RC3H2: variants seen among roughly 807,000 people sequenced by gnomAD.
RC3H2 encodes the protein ring finger and CCCH-type domains 2, also known as roquin-2.
In RC3H2, 31 loss-of-function variants were observed where a neutral mutation model predicts 133.3. The observed-to-expected ratio is 0.23, with a 90% CI of 0.17 to 0.31. RC3H2 has a LOEUF of 0.31. Among genes scored for constraint, RC3H2 ranks in the 10% least tolerant of loss-of-function variants. The pLI, the probability that RC3H2 is intolerant of heterozygous loss-of-function variation, is 1.00. For synonymous variants in RC3H2, 517 were observed against 502.2 expected, an observed-to-expected ratio of 1.03 and a Z score of -0.40; for missense variants, 1,175 against 1,437.2, an observed-to-expected ratio of 0.82 and a Z score of 2.95.
chr9:122,904,982 C>T, intron 1 of RC3H2, 128 bp downstream of exon 1: 1 of 649,052 alleles, frequency 1.5e-6, no homozygotes, highest in Non-Finnish European at 1.9e-6. Context: ...GCCCTCAGTT[C>T]CCAACCCTCG....
intron 18 of RC3H2, 66 bp downstream of exon 18, chr9:122,853,886 T>C (rs1830145491): frequency 1.9e-6 from 3 of 1,614,060 alleles, no homozygotes; most frequent in Non-Finnish European, 2.5e-6. Flanking sequence ...AGTAATGGTA[T>C]AACCAAGATG....
chr9:122,859,963 A>T lies in RC3H2; in HGVS notation c.1803T>A (p.Asp601Glu), dbSNP rs1333080680. ...CTTCAAAGGGTATCTGAGTCCTTGG[A>T]TCTTGAAAATACTGAATGTTTTCAG... ...PHSENIQYFQ[D>E]PRTQIPFEVP... The change falls in exon 11 of 21, where the codon GAT (aspartate) becomes GAA (glutamate). Residue 601 changes from aspartate to glutamate, a missense_variant. This residue lies in a region of RC3H2 where 490 missense variants were observed against 492.8 expected (regional missense o/e 0.99). Transcript: ENST00000357244. The T allele has an allele frequency of 6.2e-7, 1 of 1,613,996 alleles. No individual in the cohort carries two copies. Among genetic ancestry groups the T allele is most frequent in the East Asian group, 2.2e-5 (1 of 44,886 alleles).
At chr9:122,852,833 G>A (rs1213222533) in intron 18 of RC3H2, among the ~76,000 whole-genome samples, 1 of 152,152 alleles carries the variant, frequency 6.6e-6, no homozygotes, top group African/African-American at 2.4e-5. Context: ...CGCCCCTACT[G>A]GGAAGTGAGG....
intron 10 of RC3H2, among the ~76,000 whole-genome samples, chr9:122,863,895 G>C (rs1830547368): frequency 6.6e-6 from 1 of 152,128 alleles, no homozygotes; most frequent in South Asian, 2.1e-4. Flanking sequence ...GCGCCACCAT[G>C]CCTGGCTAAT....
intron 10 of RC3H2, among the ~76,000 whole-genome samples, chr9:122,862,287 T>C (rs994187057): frequency 1.2e-4 from 18 of 152,124 alleles, no homozygotes; most frequent in African/African-American, 3.6e-4. Context: ...ATCTCAAAAA[T>C]TGGAACTTAT....
rs768570419 is a variant in RC3H2 at position 122,849,671 on chromosome 9, C to T, written c.3532G>A (p.Asp1178Asn). Residue 1178 changes from aspartate to asparagine, a missense_variant, in exon 21 of 21, where the codon GAC becomes AAC. By Grantham distance (23) the Asp-to-Asn change is conservative. Around this residue, in one of 8 missense-constraint regions of RC3H2, gnomAD observed 220 missense variants for 201.1 expected, o/e 1.09. Transcript: ENST00000357244. Reference sequence around the variant, plus strand: ...CCATTTGCAACAGGTTTTAAAAAGTCGTTTTTATCTTCAGACATAACATGA... The same window carrying T: ...CCATTTGCAACAGGTTTTAAAAAGTTGTTTTTATCTTCAGACATAACATGA... ...KTHVMSEDKN[D>N]FLKPVANGKM... 23 of 1,613,110 alleles carry T rather than the reference C, an allele frequency of 1.4e-5. No individual in the cohort carries two copies. The highest frequency in any genetic ancestry group is 4.0e-5 in the African/African-American group (3 of 74,916).
At position 122,849,559 on chromosome 9, in the gene RC3H2, T is replaced by A; in HGVS notation, c.*68A>T. ...AAAATATACATTATATAATATATAT[T>A]ATATATATAAAAAGCTAGTGTAAAT... is the stretch of plus-strand genomic sequence containing the variant. On this transcript the variant is annotated 3_prime_UTR_variant, in exon 21 of 21. Coordinates refer to ENST00000357244, the MANE Select transcript of RC3H2 (RefSeq NM_001100588.3). The A allele has an allele frequency of 1.5e-6, 1 of 649,862 alleles. No homozygotes were observed. The highest frequency in any genetic ancestry group is 2.4e-6 in the Non-Finnish European group (1 of 424,236). The allele number at this position is 649,862 out of a possible 1,614,324, so 40.3% of individuals were successfully genotyped here.
At chr9:122,885,113 T>G (rs1342059163) in intron 4 of RC3H2, among the ~76,000 whole-genome samples, 1 of 152,198 alleles carries the variant, frequency 6.6e-6, no homozygotes, top group Non-Finnish European at 1.5e-5. Context: ...TATCATTAAT[T>G]TTTAAAAATT....
At chr9:122,869,187 T>A (rs1588077194) in intron 9 of RC3H2, among the ~76,000 whole-genome samples, 1 of 152,048 alleles carries the variant, frequency 6.6e-6, no homozygotes, top group East Asian at 1.9e-4. Flanking sequence ...ATTACGGGTG[T>A]GAGCCACCAT....
Position 122,883,299 on chromosome 9 carries a change from A to C in RC3H2, c.664T>G (p.Phe222Val). ...SALSRKVLVL[F>V]VVQRLEPRFP... ...CTTGGTTCTAGTCTCTGCACAACAA[A>C]AAGTACCAGAACTTTCCTTGAGAGG... Residue 222 changes from phenylalanine (F) to valine (V), a missense_variant, in exon 5 of 21, where the codon TTT (phenylalanine) becomes GTT (valine). This residue lies in a region of RC3H2 where 121 missense variants were observed against 243.5 expected (regional missense o/e 0.50). Coordinates refer to ENST00000357244, the MANE Select transcript of RC3H2 (RefSeq NM_001100588.3). The C allele has an allele frequency of 6.2e-7, 1 of 1,613,914 alleles. No homozygotes were observed. Among genetic ancestry groups the C allele is most frequent in the Non-Finnish European group, 8.5e-7 (1 of 1,179,936 alleles).
rs76055603 is a variant in RC3H2 at position 122,846,808 on chromosome 9, C to T, written c.*2819G>A. ...ATGCCTCAATTTTAAAAAGTCATATCCTAGGTCTGATTTGTAACATTTTCC... is the reference window on the plus strand; with the variant it reads ...ATGCCTCAATTTTAAAAAGTCATATTCTAGGTCTGATTTGTAACATTTTCC... On this transcript the variant is annotated 3_prime_UTR_variant, in exon 21 of 21. Coordinates refer to ENST00000357244, the MANE Select transcript of RC3H2 (RefSeq NM_001100588.3). 1.3e-5 allele frequency: 2 copies of T among 152,058 alleles called. No individual in the cohort carries two copies. Among genetic ancestry groups the T allele is most frequent in the African/African-American group, 4.8e-5 (2 of 41,388 alleles). 9.4% of individuals were successfully genotyped at this position (152,058 alleles called of 1,614,324 possible). A position where few individuals can be genotyped will look rare whatever the true frequency, so the allele number is the denominator to read the frequency against.
chr9:122,870,492 CAA>C (rs946554620), intron 9 of RC3H2, among the ~76,000 whole-genome samples: 6 of 151,812 alleles, frequency 4.0e-5, no homozygotes, highest in African/African-American at 9.7e-5. Context: ...ATGAACCTCT[CAA>C]AAAAGAGTCA....
At chr9:122,892,656 C>T (rs967623384) in intron 3 of RC3H2, among the ~76,000 whole-genome samples, 1 of 152,138 alleles carries the variant, frequency 6.6e-6, no homozygotes, top group African/African-American at 2.4e-5. Flanking sequence ...TGTGATCCGC[C>T]CGCGCTGGCC....
In RC3H2 at chr9:122,865,423, G is replaced by A. The variant is rs1463786314; in HGVS notation, c.1560C>T (p.Thr520=). 9 of 1,614,012 alleles carry A rather than the reference G, an allele frequency of 5.6e-6. No individual in the cohort carries two copies. Among genetic ancestry groups the A allele is most frequent in the East Asian group, 4.5e-5 (2 of 44,898 alleles). The change falls in exon 10 of 21, where the codon ACC becomes ACT. Residue 520 remains threonine (T), a synonymous_variant. Transcript: ENST00000357244. ...STDSTLRALE[T]VKKVGKVGAN... ...CGCCAACCTTTCCCACTTTCTTCAC[G>A]GTCTCCAGAGCTCTTAAGGTACTGT...
chr9:122,905,182 G>A lies in RC3H2; in HGVS notation c.-140C>T, dbSNP rs545804951. On this transcript the variant is annotated 5_prime_UTR_variant, in exon 1 of 21. Coordinates refer to ENST00000357244, the MANE Select transcript of RC3H2 (RefSeq NM_001100588.3). ...GCGACGGCGCGGCTTGGCGACGGAG[G>A]CGCCTCGTCTCGCCGGGGCAGAGCT... 1.0e-6 allele frequency: 1 copy of A among 985,466 alleles called. No individual in the cohort carries two copies. Among genetic ancestry groups the A allele is most frequent in the South Asian group, 4.7e-5 (1 of 21,294 alleles). The allele number at this position is 985,466 out of a possible 1,614,324, so 61.0% of individuals were successfully genotyped here. A position where few individuals can be genotyped will look rare whatever the true frequency, so the allele number is the denominator to read the frequency against.
intron 10 of RC3H2, 74 bp from the exon 11 acceptor site, chr9:122,860,205 A>G: frequency 9.2e-7 from 1 of 1,092,396 alleles, no homozygotes; most frequent in South Asian, 1.4e-5. Flanking sequence ...GAAATTTTTA[A>G]TAAAATTATA....
chr9:122,862,161 C>T (rs1169898445), intron 10 of RC3H2, among the ~76,000 whole-genome samples: 2 of 152,058 alleles, frequency 1.3e-5, no homozygotes, highest in East Asian at 3.8e-4. Context: ...CATTTATTGC[C>T]TCATGAAATC....
chr9:122,893,353 GT>G (rs1427955739), intron 2 of RC3H2, among the ~76,000 whole-genome samples: 1 of 152,154 alleles, frequency 6.6e-6, no homozygotes, highest in Non-Finnish European at 1.5e-5. Flanking sequence ...AATTAGCCAG[GT>G]GTGGTGGTGG....
At chr9:122,893,178 C>CCTAG in intron 2 of RC3H2, 152 bp from the exon 3 acceptor site, 1 of 1,132,462 alleles carries the variant, frequency 8.8e-7, no homozygotes, top group Non-Finnish European at 1.2e-6. Context: ...AAGTCAAACA[C>CCTAG]CTAGCCAAAC....
Sources: gnomAD v4.1 joint callset for allele counts (sites outside exome capture counted in the v4.1 genomes callset) on GRCh38, gnomAD v4.1.1 for gene constraint, gnomAD v4.1.1 regional missense constraint, MANE v1.5 for transcripts, NCBI Gene and HGNC (gene_info 2026-07-23, HGNC 2026-07-21) for gene names.